The following PCDH9 variants were observed in gnomAD, a reference collection of about 807,000 sequenced individuals.
PCDH9 encodes the protein protocadherin 9, also known as protocadherin-9.
Under a neutral mutation model 70.6 loss-of-function variants are expected in PCDH9, and 24 were observed. The ratio of observed to expected loss-of-function variants is 0.34; its 90% CI spans 0.25 to 0.48. PCDH9 has a LOEUF of 0.48. PCDH9 is among the 20% of genes least tolerant of loss of function. The pLI is 0.99. For missense variants in PCDH9, 1,281 were observed against 1,503.6 expected (o/e 0.85, Z 2.45); for synonymous variants, 562 against 558.5 (o/e 1.01, Z -0.09).
intron 3 of PCDH9, among the ~76,000 whole-genome samples, chr13:66,824,651 GATATATAT>G (rs67211029): frequency 0.03 from 2,961 of 98,386 alleles, 71 homozygotes; most frequent in Non-Finnish European, 0.038. Flanking sequence ...GCGAAACTCT[GATATATAT>G]ATATATATAT....
At chr13:66,673,995 T>C (rs1157592515) in intron 3 of PCDH9, among the ~76,000 whole-genome samples, 4 of 152,144 alleles carry the variant, frequency 2.6e-5, no homozygotes, top group Non-Finnish European at 5.9e-5. Context: ...TAGGAAATTA[T>C]AATAGGGTCT....
At chr13:66,824,631 G>A (rs910910641) in intron 3 of PCDH9, among the ~76,000 whole-genome samples, 3 of 117,026 alleles carry the variant, frequency 2.6e-5, no homozygotes, top group Admixed American at 1.9e-4. Context: ...CTCCAACCTG[G>A]GCAACAAGAG....
At chr13:66,828,810 A>AAAAAAAAAAATAATAAT (rs71207607) in intron 3 of PCDH9, among the ~76,000 whole-genome samples, 1 of 148,608 alleles carries the variant, frequency 6.7e-6, no homozygotes, top group African/African-American at 2.5e-5. Context: ...GCCATACATA[A>AAAAAAAAAAATAATAAT]AATAATAATA....
At chr13:66,467,529 C>T (rs1459817370) in intron 4 of PCDH9, among the ~76,000 whole-genome samples, 3 of 152,014 alleles carry the variant, frequency 2.0e-5, no homozygotes, top group Non-Finnish European at 4.4e-5. Flanking sequence ...CAGCTTACAT[C>T]AGTGTGCATA....
At chr13:66,755,378 C>T (rs1202522195) in intron 3 of PCDH9, among the ~76,000 whole-genome samples, 2 of 152,218 alleles carry the variant, frequency 1.3e-5, no homozygotes, top group African/African-American at 4.8e-5. Context: ...AGTTGGAGAG[C>T]GACTGACATA....
intron 2 of PCDH9, among the ~76,000 whole-genome samples, chr13:67,092,149 A>C (rs926508446): frequency 5.9e-5 from 9 of 152,138 alleles, no homozygotes; most frequent in African/African-American, 2.2e-4. Context: ...AGGTGAAATA[A>C]TTGATTTTGT....
At chr13:66,867,304 T>C (rs1057076884) in intron 3 of PCDH9, among the ~76,000 whole-genome samples, 4 of 152,162 alleles carry the variant, frequency 2.6e-5, no homozygotes, top group African/African-American at 9.6e-5. Flanking sequence ...GTGATGTTTA[T>C]GGATGCAGAA....
chr13:66,855,828 TA>T (rs528237759), intron 3 of PCDH9, among the ~76,000 whole-genome samples: 8 of 151,942 alleles, frequency 5.3e-5, no homozygotes, highest in South Asian at 4.1e-4. Flanking sequence ...TGAATAAACA[TA>T]AAAAACTCAT....
chr13:66,659,362 A>C (rs1193685617), intron 3 of PCDH9, among the ~76,000 whole-genome samples: 1 of 152,184 alleles, frequency 6.6e-6, no homozygotes, highest in African/African-American at 2.4e-5. Context: ...AAAAAGAGGT[A>C]AAACACCATT....
intron 4 of PCDH9, among the ~76,000 whole-genome samples, chr13:66,629,472 G>A (rs2077541849): frequency 6.6e-6 from 1 of 152,224 alleles, no homozygotes; most frequent in African/African-American, 2.4e-5. Context: ...CCTCTTCACA[G>A]AAGTCTGGAG....
intron 2 of PCDH9, among the ~76,000 whole-genome samples, chr13:67,022,148 G>T (rs2084689450): frequency 4.4e-5 from 2 of 45,342 alleles, no homozygotes; most frequent in African/African-American, 2.1e-4. Flanking sequence ...TTTTTTTTTT[G>T]AGACAGAGTT....
At chr13:66,513,856 C>G (rs1176249507) in intron 4 of PCDH9, among the ~76,000 whole-genome samples, 1 of 151,206 alleles carries the variant, frequency 6.6e-6, no homozygotes, top group Non-Finnish European at 1.5e-5. Flanking sequence ...TTCTCTTACT[C>G]CCTTTTCAGA....
chr13:67,159,227 C>T (rs930454744), intron 2 of PCDH9, among the ~76,000 whole-genome samples: 1 of 152,004 alleles, frequency 6.6e-6, no homozygotes, highest in African/African-American at 2.4e-5. Context: ...TGGATTTGAC[C>T]GGGATTGGTG....
At chr13:66,332,672 G>T (rs934139935) in intron 4 of PCDH9, among the ~76,000 whole-genome samples, 1 of 151,956 alleles carries the variant, frequency 6.6e-6, no homozygotes, top group Admixed American at 6.6e-5. Flanking sequence ...GGTGGTCACA[G>T]AAAGCTTCCT....
intron 3 of PCDH9, among the ~76,000 whole-genome samples, chr13:66,849,580 T>C (rs1433753838): frequency 6.9e-6 from 1 of 145,794 alleles, no homozygotes; most frequent in Non-Finnish European, 1.5e-5. Flanking sequence ...CTTTAAGGCA[T>C]GAGTGGGATG....
chr13:67,025,911 T>C (rs1461013024), intron 2 of PCDH9, among the ~76,000 whole-genome samples: 1 of 152,140 alleles, frequency 6.6e-6, no homozygotes, highest in African/African-American at 2.4e-5. Flanking sequence ...TGAATAATTA[T>C]ATTAGGGTTA....
chr13:66,964,268 T>G (rs184055312), intron 2 of PCDH9, among the ~76,000 whole-genome samples: 2 of 151,972 alleles, frequency 1.3e-5, no homozygotes, highest in East Asian at 3.9e-4. Flanking sequence ...CTTCCCTCTG[T>G]GCTTATATTT....
intron 2 of PCDH9, chr13:67,224,639 A>G (rs572976109): frequency 5.2e-6 from 1 of 191,342 alleles, no homozygotes; most frequent in African/African-American, 2.4e-5. Flanking sequence ...ATGAGTTATG[A>G]CAGATCACTT....
chr13:66,995,475 AAACAACAGTAAC>A (rs1315146242), intron 2 of PCDH9, among the ~76,000 whole-genome samples: 1 of 152,170 alleles, frequency 6.6e-6, no homozygotes, highest in Non-Finnish European at 1.5e-5. Flanking sequence ...TAAGGGAAAA[AAACAACAGTAAC>A]AACAACAAAA....
Sources: allele counts gnomAD v4.1 joint callset (sites outside exome capture counted in the v4.1 genomes callset), GRCh38; gene constraint gnomAD v4.1.1; transcripts MANE v1.5; gene names NCBI Gene and HGNC (gene_info 2026-07-23, HGNC 2026-07-21).